Variants in CDH18 observed in about 807,000 individuals in gnomAD.
CDH18 encodes the protein cadherin 18, also known as cadherin-18.
CDH18 carries 31 observed loss-of-function variants against 67.9 expected under a neutral mutation model. The ratio of observed to expected loss-of-function variants is 0.46; its 90% CI spans 0.34 to 0.62. CDH18 has a LOEUF of 0.62. Among genes scored for constraint, CDH18 ranks in the 20% least tolerant of loss-of-function variants. The pLI is 0.01. For missense variants in CDH18, 890 were observed against 975.5 expected, an observed-to-expected ratio of 0.91 and a Z score of 1.17; for synonymous variants, 362 against 347.2, an observed-to-expected ratio of 1.04 and a Z score of -0.48.
chr5:19,738,136 T>TACCTA (rs1768604570), intron 4 of CDH18, among the ~76,000 whole-genome samples: 4 of 152,090 alleles, frequency 2.6e-5, no homozygotes, highest in Non-Finnish European at 4.4e-5. Context: ...ACCTATTTAG[T>TACCTA]TTTAGACACT....
intron 3 of CDH18, among the ~76,000 whole-genome samples, chr5:19,783,101 G>A (rs1775315858): frequency 6.6e-6 from 1 of 152,144 alleles, no homozygotes; most frequent in African/African-American, 2.4e-5. Context: ...CATTAACTTT[G>A]TTTCTGCCTA....
At chr5:20,138,029 C>G (rs561265286) in intron 2 of CDH18, among the ~76,000 whole-genome samples, 60 of 152,130 alleles carry the variant, frequency 3.9e-4, no homozygotes, top group African/African-American at 1.4e-3. Flanking sequence ...AATTTTAGAC[C>G]AATATCCCTG....
chr5:19,546,040 G>C (rs144216144), intron 8 of CDH18, among the ~76,000 whole-genome samples: 430 of 152,266 alleles, frequency 2.8e-3, no homozygotes, highest in African/African-American at 0.01. Context: ...AAGGGGAGTG[G>C]CATGCAGCCA....
At chr5:19,823,791 C>T (rs1182510772) in intron 3 of CDH18, among the ~76,000 whole-genome samples, 1 of 152,132 alleles carries the variant, frequency 6.6e-6, no homozygotes, top group Non-Finnish European at 1.5e-5. Context: ...CTGGTCTACA[C>T]ACAGAACACA....
chr5:20,144,256 G>C (rs1750471522), intron 2 of CDH18, among the ~76,000 whole-genome samples: 1 of 151,906 alleles, frequency 6.6e-6, no homozygotes. Context: ...AGGGAGTATA[G>C]TCCAGATCCG....
At chr5:19,604,577 A>ACACACACACACACACAC in intron 6 of CDH18, among the ~76,000 whole-genome samples, 1 of 143,008 alleles carries the variant, frequency 7.0e-6, no homozygotes, top group African/African-American at 2.5e-5. Context: ...ACACACACAC[A>ACACACACACACACACAC]AAGTATTCTG....
intron 2 of CDH18, among the ~76,000 whole-genome samples, chr5:20,069,116 T>G (rs1210460079): frequency 6.6e-6 from 1 of 152,116 alleles, no homozygotes; most frequent in African/African-American, 2.4e-5. Context: ...TTCCTGATGC[T>G]AGGGTTCATT....
chr5:20,059,387 C>G (rs773572318), intron 2 of CDH18, among the ~76,000 whole-genome samples: 3 of 151,848 alleles, frequency 2.0e-5, no homozygotes, highest in Non-Finnish European at 4.4e-5. Context: ...ATTTGTTTGC[C>G]CTTGCCTCTC....
chr5:19,873,516 A>C (rs1275313894), intron 2 of CDH18, among the ~76,000 whole-genome samples: 1 of 152,206 alleles, frequency 6.6e-6, no homozygotes, highest in African/African-American at 2.4e-5. Context: ...CATAGAATGA[A>C]ATCCTTAATG....
intron 2 of CDH18, among the ~76,000 whole-genome samples, chr5:19,966,633 T>C (rs1797464075): frequency 6.6e-6 from 1 of 152,106 alleles, no homozygotes; most frequent in African/African-American, 2.4e-5. Context: ...ATTCTATATG[T>C]AGAAAATTTT....
chr5:20,170,358 C>A (rs1264313131), intron 2 of CDH18, among the ~76,000 whole-genome samples: 2 of 152,140 alleles, frequency 1.3e-5, no homozygotes, highest in African/African-American at 4.8e-5. Flanking sequence ...GACATGATCT[C>A]ATTCCTTTTT....
intron 12 of CDH18, among the ~76,000 whole-genome samples, chr5:19,482,960 G>A (rs1452644516): frequency 1.3e-5 from 2 of 152,066 alleles, no homozygotes; most frequent in African/African-American, 2.4e-5. Flanking sequence ...GTCTTGGTCA[G>A]ATTCATTTAG....
chr5:19,765,063 C>T (rs1772892363), intron 3 of CDH18, among the ~76,000 whole-genome samples: 1 of 152,200 alleles, frequency 6.6e-6, no homozygotes, highest in Non-Finnish European at 1.5e-5. Flanking sequence ...ATGTCTCCCA[C>T]ATAAGCCCTG....
intron 1 of CDH18, among the ~76,000 whole-genome samples, chr5:20,441,503 A>C (rs1055850280): frequency 6.6e-6 from 1 of 151,916 alleles, no homozygotes; most frequent in African/African-American, 2.4e-5. Context: ...GCAAAAAAAA[A>C]ACATTTCATC....
chr5:20,569,471 A>G (rs1190357122), intron 1 of CDH18, among the ~76,000 whole-genome samples: 2 of 151,954 alleles, frequency 1.3e-5, no homozygotes, highest in East Asian at 3.9e-4. Flanking sequence ...AAATACAAAT[A>G]ATTAGCCAGG....
chr5:20,546,877 A>G (rs1183556673), intron 1 of CDH18, among the ~76,000 whole-genome samples: 1 of 152,192 alleles, frequency 6.6e-6, no homozygotes, highest in Non-Finnish European at 1.5e-5. Context: ...CTTCTTGCAA[A>G]TACAATATTT....
intron 1 of CDH18, among the ~76,000 whole-genome samples, chr5:20,322,664 A>G (rs1049204667): frequency 1.3e-5 from 2 of 152,116 alleles, no homozygotes; most frequent in South Asian, 2.1e-4. Flanking sequence ...AAAATTCAAG[A>G]TGAGTTATTA....
intron 5 of CDH18, among the ~76,000 whole-genome samples, chr5:19,638,977 G>GTT (rs34631530): frequency 0.015 from 795 of 54,682 alleles, 41 homozygotes; most frequent in Non-Finnish European, 0.021. Flanking sequence ...TTTTGTTGCT[G>GTT]TTTTTTTTTT....
chr5:19,485,317 G>A (rs1379013441), intron 11 of CDH18, among the ~76,000 whole-genome samples: 4 of 150,180 alleles, frequency 2.7e-5, no homozygotes, highest in Admixed American at 6.7e-5. Flanking sequence ...GTGCAGTGGC[G>A]CCACCTCGGC....
Sources: allele counts gnomAD v4.1 joint callset (sites outside exome capture counted in the v4.1 genomes callset), GRCh38; gene constraint gnomAD v4.1.1; transcripts MANE v1.5; gene names NCBI Gene and HGNC (gene_info 2026-07-23, HGNC 2026-07-21).